Variants in NEK11 observed in about 807,000 individuals in gnomAD.
NEK11 encodes serine/threonine-protein kinase Nek11.
Under a neutral mutation model 80.7 loss-of-function variants are expected in NEK11, and 72 were observed. The observed-to-expected ratio is 0.89, with a 90% CI of 0.74 to 1.08. The LOEUF (loss-of-function observed/expected upper bound fraction) is 1.08, where lower values mean the gene tolerates loss of function less well. NEK11 is among the 50% of genes least tolerant of loss of function. The pLI is 0.00. For missense variants in NEK11, 764 were observed against 763.6 expected (o/e 1.00, Z -0.01); for synonymous variants, 251 against 260.7 (o/e 0.96, Z 0.36).
At chr3:131,339,525 G>C (rs2097253918) in intron 17 of NEK11, among the ~76,000 whole-genome samples, 1 of 152,196 alleles carries the variant, frequency 6.6e-6, no homozygotes, top group Non-Finnish European at 1.5e-5. Flanking sequence ...ATCCTAAGAA[G>C]CTAACAGCTG....
At chr3:131,334,120 A>G (rs2097141048) in intron 17 of NEK11, among the ~76,000 whole-genome samples, 1 of 152,356 alleles carries the variant, frequency 6.6e-6, no homozygotes, top group African/African-American at 2.4e-5. Context: ...AAGTGGACCT[A>G]ATAGACATCT....
intron 17 of NEK11, among the ~76,000 whole-genome samples, chr3:131,340,519 G>T (rs1205543322): frequency 1.3e-5 from 2 of 152,098 alleles, no homozygotes; most frequent in African/African-American, 2.4e-5. Context: ...ACAGGAAGAG[G>T]TAATAAAGGA....
At chr3:131,121,218 A>C (rs1034254707) in intron 5 of NEK11, among the ~76,000 whole-genome samples, 2 of 152,182 alleles carry the variant, frequency 1.3e-5, no homozygotes, top group African/African-American at 4.8e-5. Flanking sequence ...CAGGACCCTC[A>C]GCTGCAGGTC....
chr3:131,175,227 C>T, intron 14 of NEK11: 2 of 556,188 alleles, frequency 3.6e-6, no homozygotes, highest in Non-Finnish European at 4.6e-6. Context: ...GAAAGAAAAC[C>T]TTTACTCACT....
chr3:131,156,887 A>G (rs185142433), intron 10 of NEK11, among the ~76,000 whole-genome samples: 9 of 152,218 alleles, frequency 5.9e-5, no homozygotes, highest in Admixed American at 4.6e-4. Context: ...TCATACATTG[A>G]AAGATGTTTA....
chr3:131,086,071 C>A (rs1378421030), intron 4 of NEK11, among the ~76,000 whole-genome samples: 1 of 152,088 alleles, frequency 6.6e-6, no homozygotes, highest in South Asian at 2.1e-4. Context: ...GTATTGTATT[C>A]TTCTCAGTAC....
intron 17 of NEK11, among the ~76,000 whole-genome samples, chr3:131,301,003 A>G (rs994480541): frequency 3.9e-5 from 6 of 152,146 alleles, no homozygotes; most frequent in African/African-American, 1.4e-4. Context: ...GTTCTTCCTA[A>G]TCATGAGTAT....
At position 131,218,866 on chromosome 3, in the gene NEK11, G is replaced by C. The variant is rs566254266; in HGVS notation, c.1400-9662G>C. Among the ~76,000 whole-genome samples, 48 of 152,282 alleles carry C rather than the reference G, an allele frequency of 3.2e-4. No individual in the cohort carries two copies. The South Asian group carries it at 9.6e-3, about 30-fold the overall frequency. On this transcript the variant is annotated intron_variant, in intron 14 of 17. Transcript: ENST00000383366. ...AAATGTCTTCTTTTGAGAAGAGTCT[G>C]TTCATATCCTTTGCCCACTTTTTGA...
chr3:131,067,697 T>C (rs1223216767), intron 3 of NEK11, among the ~76,000 whole-genome samples: 2 of 152,206 alleles, frequency 1.3e-5, no homozygotes, highest in African/African-American at 2.4e-5. Flanking sequence ...TGTTGTATTA[T>C]GTAAGTTATG....
chr3:131,325,880 C>G (rs7611503), intron 17 of NEK11: 1 of 152,036 alleles, frequency 6.6e-6, no homozygotes, highest in African/African-American at 2.4e-5. Context: ...TGAAAACATA[C>G]AGTTAGCTAA....
chr3:131,254,330 A>G (rs2095764268), intron 16 of NEK11, among the ~76,000 whole-genome samples: 1 of 152,174 alleles, frequency 6.6e-6, no homozygotes, highest in Non-Finnish European at 1.5e-5. Context: ...TTTTCTGTCA[A>G]GGTGAAAAAC....
intron 3 of NEK11, among the ~76,000 whole-genome samples, chr3:131,055,994 G>C (rs1197018042): frequency 6.6e-6 from 1 of 152,208 alleles, no homozygotes; most frequent in African/African-American, 2.4e-5. Context: ...ATAGTGCAAA[G>C]AGACCAAGTA....
At chr3:131,173,983 A>G (rs1290657840) in intron 14 of NEK11, among the ~76,000 whole-genome samples, 1 of 152,222 alleles carries the variant, frequency 6.6e-6, no homozygotes, top group African/African-American at 2.4e-5. Flanking sequence ...GGTGGATCAG[A>G]TGCCTTGTAA....
At chr3:131,063,287 A>G (rs1036992593) in intron 3 of NEK11, among the ~76,000 whole-genome samples, 1 of 152,178 alleles carries the variant, frequency 6.6e-6, no homozygotes, top group African/African-American at 2.4e-5. Flanking sequence ...GGCCTCACAA[A>G]GTGCTAGGAT....
chr3:131,049,458 A>C (rs2067979840), intron 3 of NEK11, among the ~76,000 whole-genome samples: 1 of 152,206 alleles, frequency 6.6e-6, no homozygotes. Context: ...TCGTCACTCT[A>C]TACGTCATTT....
intron 3 of NEK11, among the ~76,000 whole-genome samples, chr3:131,041,454 A>G (rs916548000): frequency 6.6e-6 from 1 of 152,168 alleles, no homozygotes; most frequent in Non-Finnish European, 1.5e-5. Context: ...AATTTCCCAC[A>G]GATAAAGCTT....
At chr3:131,337,288 A>G (rs569013427) in intron 17 of NEK11, among the ~76,000 whole-genome samples, 26 of 152,110 alleles carry the variant, frequency 1.7e-4, no homozygotes, top group African/African-American at 5.1e-4. Context: ...TGCAGCCATA[A>G]AAAATGATGA....
At chr3:131,180,714 CATTAT>C (rs2093299679) in intron 14 of NEK11, among the ~76,000 whole-genome samples, 1 of 152,128 alleles carries the variant, frequency 6.6e-6, no homozygotes, top group Non-Finnish European at 1.5e-5. Flanking sequence ...TGAGATGAAT[CATTAT>C]ATTATATATC....
chr3:131,234,876 G>A (rs1314902998), intron 15 of NEK11, among the ~76,000 whole-genome samples: 2 of 151,452 alleles, frequency 1.3e-5, no homozygotes, highest in Admixed American at 6.6e-5. Context: ...GGGTACATGC[G>A]TGAGTTTGTG....
Sources: allele counts gnomAD v4.1 joint callset (sites outside exome capture counted in the v4.1 genomes callset), GRCh38; gene constraint gnomAD v4.1.1; transcripts MANE v1.5; gene names NCBI Gene and HGNC (gene_info 2026-07-23, HGNC 2026-07-21).